Variants in PTPRT observed in about 807,000 individuals in gnomAD.
PTPRT encodes protein tyrosine phosphatase receptor type T.
A neutral mutation model predicts 176.8 loss-of-function variants in PTPRT; 56 were observed. The observed-to-expected ratio is 0.32, with a 90% confidence interval of 0.26 to 0.40. PTPRT has a LOEUF of 0.40. PTPRT is among the 10% of genes least tolerant of loss of function. PTPRT has a pLI of 1.00. For synonymous variants in PTPRT, 783 were observed against 739.0 expected, an observed-to-expected ratio of 1.06 and a Z score of -0.96; for missense variants, 1,540 against 1,908.2, an observed-to-expected ratio of 0.81 and a Z score of 3.60.
intron 1 of PTPRT, among the ~76,000 whole-genome samples, chr20:43,083,395 C>T (rs150858376): frequency 8.3e-6 from 1 of 119,914 alleles, no homozygotes; most frequent in African/African-American, 3.1e-5. Context: ...GAGTCTCGCT[C>T]TGTGGCCCAG....
intron 1 of PTPRT, among the ~76,000 whole-genome samples, chr20:43,011,000 G>GGCT (rs1292580900): frequency 2.0e-5 from 3 of 152,168 alleles, no homozygotes; most frequent in Non-Finnish European, 4.4e-5. Context: ...TAGAGCTGGA[G>GGCT]GCTGCTGTCT....
At chr20:42,423,721 C>G (rs2059140392) in intron 9 of PTPRT, among the ~76,000 whole-genome samples, 1 of 152,112 alleles carries the variant, frequency 6.6e-6, no homozygotes, top group Non-Finnish European at 1.5e-5. Flanking sequence ...CTATGATTTT[C>G]CATAATGGAT....
At chr20:43,100,219 A>G (rs1307659778) in intron 1 of PTPRT, among the ~76,000 whole-genome samples, 2 of 152,140 alleles carry the variant, frequency 1.3e-5, no homozygotes, top group African/African-American at 4.8e-5. Flanking sequence ...TCTACTAAAA[A>G]TACAAAAACT....
At chr20:42,823,142 C>T (rs2077928685) in intron 2 of PTPRT, among the ~76,000 whole-genome samples, 1 of 152,040 alleles carries the variant, frequency 6.6e-6, no homozygotes, top group Non-Finnish European at 1.5e-5. Flanking sequence ...CAACCCAAAT[C>T]CCCATCAATG....
chr20:42,873,132 C>G (rs1052620183), intron 2 of PTPRT, among the ~76,000 whole-genome samples: 1 of 152,170 alleles, frequency 6.6e-6, no homozygotes, highest in Non-Finnish European at 1.5e-5. Flanking sequence ...AGGTTCAAGT[C>G]AACAGAGCAA....
intron 1 of PTPRT, among the ~76,000 whole-genome samples, chr20:43,012,580 T>C (rs1013078143): frequency 6.6e-6 from 1 of 152,210 alleles, no homozygotes; most frequent in East Asian, 1.9e-4. Context: ...TGTTTTGTTA[T>C]GTATATTTTA....
chr20:43,024,906 T>C (rs769987751), intron 1 of PTPRT, among the ~76,000 whole-genome samples: 1 of 152,226 alleles, frequency 6.6e-6, no homozygotes, highest in Non-Finnish European at 1.5e-5. Context: ...CTGGGCTGCT[T>C]TGGGTACCCA....
At chr20:42,154,929 G>A (rs997689228) in intron 17 of PTPRT, among the ~76,000 whole-genome samples, 14 of 152,164 alleles carry the variant, frequency 9.2e-5, no homozygotes, top group African/African-American at 3.1e-4. Context: ...ACTTTAATAG[G>A]AAGGGTATAT....
chr20:42,544,979 A>G (rs1418761771), intron 7 of PTPRT, among the ~76,000 whole-genome samples: 1 of 151,858 alleles, frequency 6.6e-6, no homozygotes, highest in Middle Eastern at 3.2e-3. Flanking sequence ...ATGGCTGTAC[A>G]CTCCCCAGCT....
intron 1 of PTPRT, among the ~76,000 whole-genome samples, chr20:43,045,171 C>A (rs1986781726): frequency 3.9e-5 from 6 of 152,334 alleles, no homozygotes; most frequent in South Asian, 2.1e-4. Context: ...AGGATAATTT[C>A]TTTTAGAAAC....
At chr20:42,577,020 A>G (rs115499047) in intron 7 of PTPRT, among the ~76,000 whole-genome samples, 2,735 of 152,296 alleles carry the variant, frequency 0.018, 82 homozygotes, top group African/African-American at 0.063. Context: ...GAGGGAGAGT[A>G]AAAATGACAA....
intron 13 of PTPRT, among the ~76,000 whole-genome samples, chr20:42,251,890 T>C (rs1782706369): frequency 1.3e-5 from 2 of 152,120 alleles, no homozygotes; most frequent in African/African-American, 4.8e-5. Flanking sequence ...ATTTAAGTGT[T>C]ATTCAAGGAG....
At chr20:42,579,310 G>T (rs1225259504) in intron 7 of PTPRT, among the ~76,000 whole-genome samples, 3 of 152,030 alleles carry the variant, frequency 2.0e-5, no homozygotes, top group Non-Finnish European at 4.4e-5. Flanking sequence ...GTCTATCATT[G>T]TTGGACATTT....
At chr20:43,158,751 G>A (rs1417612483) in intron 1 of PTPRT, among the ~76,000 whole-genome samples, 1 of 152,168 alleles carries the variant, frequency 6.6e-6, no homozygotes, top group Non-Finnish European at 1.5e-5. Context: ...AGCCAGTTGT[G>A]GGGAGCAGTG....
At chr20:42,927,281 G>A (rs1979550698) in intron 1 of PTPRT, among the ~76,000 whole-genome samples, 1 of 152,216 alleles carries the variant, frequency 6.6e-6, no homozygotes, top group African/African-American at 2.4e-5. Context: ...AAAAAGGGGG[G>A]CTGGGTGTGG....
chr20:42,790,238 A>C (rs1443807364), intron 3 of PTPRT, among the ~76,000 whole-genome samples: 1 of 149,382 alleles, frequency 6.7e-6, no homozygotes, highest in Non-Finnish European at 1.5e-5. Flanking sequence ...AAAAAAAAAA[A>C]CAAAACTTTC....
At chr20:42,614,678 T>C (rs1334089903) in intron 7 of PTPRT, among the ~76,000 whole-genome samples, 2 of 152,190 alleles carry the variant, frequency 1.3e-5, no homozygotes, top group South Asian at 2.1e-4. Flanking sequence ...CTGACCACCC[T>C]GCAATGAATT....
At chr20:42,581,855 T>C (rs1218843914) in intron 7 of PTPRT, among the ~76,000 whole-genome samples, 3 of 152,208 alleles carry the variant, frequency 2.0e-5, no homozygotes, top group African/African-American at 7.2e-5. Flanking sequence ...TGGAATTCTT[T>C]CTTATCTGGG....
At chr20:42,806,609 A>G (rs529177136) in intron 2 of PTPRT, among the ~76,000 whole-genome samples, 3 of 152,088 alleles carry the variant, frequency 2.0e-5, no homozygotes, top group Non-Finnish European at 2.9e-5. Context: ...GAGAGTCAAT[A>G]TTTTAGGCTT....
Sources: gnomAD v4.1 joint callset for allele counts (sites outside exome capture counted in the v4.1 genomes callset) on GRCh38, gnomAD v4.1.1 for gene constraint, MANE v1.5 for transcripts, NCBI Gene and HGNC (gene_info 2026-07-23, HGNC 2026-07-21) for gene names.